FSIP1: variants seen among roughly 807,000 people sequenced by gnomAD.
FSIP1 encodes the protein fibrous sheath interacting protein 1.
Under a neutral mutation model 60.9 loss-of-function variants are expected in FSIP1, and 65 were observed. The observed-to-expected ratio is 1.07, with a 90% CI of 0.87 to 1.31. FSIP1 has a LOEUF of 1.31. Among genes scored for constraint, FSIP1 ranks in the 40% most tolerant of loss-of-function variants. The pLI is 0.00. For missense variants in FSIP1, 675 were observed against 665.5 expected (o/e 1.01, Z -0.16); for synonymous variants, 209 against 221.2 (o/e 0.94, Z 0.49).
chr15:39,636,169 T>A (rs752635982), intron 10 of FSIP1, among the ~76,000 whole-genome samples: 16 of 152,160 alleles, frequency 1.1e-4, no homozygotes, highest in Non-Finnish European at 2.1e-4. Flanking sequence ...GGTCAACCAG[T>A]CAAGAAAACA....
At chr15:39,779,978 T>C (rs768008299) in intron 1 of FSIP1, among the ~76,000 whole-genome samples, 10 of 152,224 alleles carry the variant, frequency 6.6e-5, no homozygotes, top group Non-Finnish European at 1.3e-4. Flanking sequence ...GGTCAGTTTT[T>C]TTACTTTATA....
intron 3 of FSIP1, among the ~76,000 whole-genome samples, chr15:39,768,027 C>T (rs1248597037): frequency 6.6e-6 from 1 of 152,170 alleles, no homozygotes; most frequent in Admixed American, 6.5e-5. Flanking sequence ...TGGAACACTC[C>T]CACTTGGGAT....
intron 10 of FSIP1, among the ~76,000 whole-genome samples, chr15:39,648,712 G>A (rs767250672): frequency 2.6e-5 from 4 of 152,112 alleles, no homozygotes; most frequent in Non-Finnish European, 5.9e-5. Context: ...GGTAGTTTGG[G>A]GCCTATCAGG....
chr15:39,626,592 T>C (rs1891648779), intron 10 of FSIP1, among the ~76,000 whole-genome samples: 1 of 152,070 alleles, frequency 6.6e-6, no homozygotes, highest in Non-Finnish European at 1.5e-5. Flanking sequence ...AGGGGTGGTT[T>C]CCCCCATGCT....
At chr15:39,656,977 T>C (rs917311622) in intron 10 of FSIP1, among the ~76,000 whole-genome samples, 1 of 152,194 alleles carries the variant, frequency 6.6e-6, no homozygotes, top group African/African-American at 2.4e-5. Flanking sequence ...CTCCCAGATC[T>C]GTTCACCAAT....
chr15:39,774,367 C>T (rs191124709), intron 2 of FSIP1, among the ~76,000 whole-genome samples: 31 of 151,798 alleles, frequency 2.0e-4, no homozygotes, highest in Non-Finnish European at 4.4e-4. Context: ...CCTGTAGCCC[C>T]GGCTATTCGG....
chr15:39,643,203 C>T (rs193242172), intron 10 of FSIP1, among the ~76,000 whole-genome samples: 10 of 152,292 alleles, frequency 6.6e-5, no homozygotes, highest in South Asian at 4.1e-4. Context: ...GAAGATCCAA[C>T]ATATGAAGTG....
intron 6 of FSIP1, among the ~76,000 whole-genome samples, chr15:39,740,175 A>T (rs1466306421): frequency 6.6e-6 from 1 of 152,178 alleles, no homozygotes; most frequent in East Asian, 1.9e-4. Flanking sequence ...AAATTTCCCT[A>T]AAGGCTAGGT....
chr15:39,726,498 G>A, intron 9 of FSIP1, 91 bp downstream of exon 9: 1 of 1,348,882 alleles, frequency 7.4e-7, no homozygotes, highest in Non-Finnish European at 1.1e-6. Flanking sequence ...ATGATCACTG[G>A]AAAAAGCAAC....
At chr15:39,776,183 C>G (rs1369287307) in intron 2 of FSIP1, among the ~76,000 whole-genome samples, 1 of 28,528 alleles carries the variant, frequency 3.5e-5, no homozygotes, top group Admixed American at 6.8e-4. Context: ...AGGGGAGGGG[C>G]GGAGGGAGGA....
chr15:39,741,637 T>G (rs1242608819), intron 6 of FSIP1, among the ~76,000 whole-genome samples, 168 bp downstream of exon 6: 4 of 152,226 alleles, frequency 2.6e-5, no homozygotes, highest in African/African-American at 9.6e-5. Flanking sequence ...TATAACAAAC[T>G]CTCAACAACT....
intron 8 of FSIP1, among the ~76,000 whole-genome samples, chr15:39,728,406 A>G (rs941357440): frequency 6.6e-6 from 1 of 152,252 alleles, no homozygotes; most frequent in Non-Finnish European, 1.5e-5. Flanking sequence ...GGCTACAGTC[A>G]CCAAAACATC....
intron 5 of FSIP1, among the ~76,000 whole-genome samples, chr15:39,748,768 T>C (rs1343627260): frequency 6.6e-6 from 1 of 151,816 alleles, no homozygotes; most frequent in East Asian, 1.9e-4. Context: ...ACTGCAAAAA[T>C]AACAAACTAA....
chr15:39,721,668 A>G (rs778992261), intron 9 of FSIP1, among the ~76,000 whole-genome samples: 4 of 152,242 alleles, frequency 2.6e-5, no homozygotes, highest in Non-Finnish European at 5.9e-5. Flanking sequence ...ACATAAATGC[A>G]TGAAGTGGGC....
In FSIP1 at chr15:39,618,082, T is replaced by A; in HGVS notation, c.1352A>T (p.Lys451Ile). 6.2e-7 allele frequency: 1 copy of A among 1,614,162 alleles called. No individual in the cohort carries two copies. Among genetic ancestry groups the A allele is most frequent in the African/African-American group, 1.3e-5 (1 of 75,036 alleles). Residue 451 changes from lysine to isoleucine, a missense_variant, in exon 11 of 12, where the codon AAA (lysine) becomes ATA (isoleucine). Coordinates refer to ENST00000350221, the MANE Select transcript of FSIP1 (RefSeq NM_152597.5). ...FPQLSRSIIS[K>I]LLNESETKVQ... ...CTTTGTTTCTGATTCATTTAGCAAT[T>A]TAGAGATGATGGACCTGGAAAGCTG...
At chr15:39,666,315 A>C (rs1893493142) in intron 10 of FSIP1, among the ~76,000 whole-genome samples, 1 of 152,230 alleles carries the variant, frequency 6.6e-6, no homozygotes, top group South Asian at 2.1e-4. Flanking sequence ...TACAAGAAGT[A>C]GTTTTAACAG....
intron 2 of FSIP1, among the ~76,000 whole-genome samples, chr15:39,772,472 T>G (rs574377615): frequency 6.6e-5 from 10 of 151,978 alleles, no homozygotes; most frequent in Non-Finnish European, 1.5e-4. Flanking sequence ...TTTTGTATTT[T>G]TTAATAGAAA....
intron 10 of FSIP1, among the ~76,000 whole-genome samples, chr15:39,687,627 A>G (rs1894436811): frequency 6.6e-6 from 1 of 152,214 alleles, no homozygotes; most frequent in Non-Finnish European, 1.5e-5. Flanking sequence ...CTCTGTCTAC[A>G]TGAGGGCCTC....
intron 10 of FSIP1, among the ~76,000 whole-genome samples, chr15:39,620,973 T>C (rs1891420949): frequency 6.6e-6 from 1 of 151,390 alleles, no homozygotes; most frequent in South Asian, 2.1e-4. Context: ...CCCAGGTGAT[T>C]GTATGTTTGG....
Sources: allele counts gnomAD v4.1 joint callset (sites outside exome capture counted in the v4.1 genomes callset), GRCh38; gene constraint gnomAD v4.1.1; transcripts MANE v1.5; gene names NCBI Gene and HGNC (gene_info 2026-07-23, HGNC 2026-07-21).